The following FBXL2 variants were observed in gnomAD, a reference collection of about 807,000 sequenced individuals.
FBXL2 encodes F-box/LRR-repeat protein 2.
Under a neutral mutation model 69.2 loss-of-function variants are expected in FBXL2, and 38 were observed. The observed-to-expected ratio is 0.55, with a 90% CI of 0.42 to 0.72. The LOEUF (loss-of-function observed/expected upper bound fraction) is 0.72. FBXL2 is among the 30% of genes least tolerant of loss of function. FBXL2 has a pLI of 0.00. For missense variants in FBXL2, 354 were observed against 520.3 expected, an observed-to-expected ratio of 0.68 and a Z score of 3.11; for synonymous variants, 192 against 201.3, an observed-to-expected ratio of 0.95 and a Z score of 0.39.
At position 33,380,152 on chromosome 3, in the gene FBXL2, G is replaced by A. The variant is rs553194464; in HGVS notation, c.951+1411G>A. ...AGACAGGGGAACTGCTTGAACCTGG[G>A]AGGCGGAGGTTGCAGTGAGCCAAGG... On this transcript the variant is annotated intron_variant, in intron 13 of 14. Transcript: ENST00000484457. Among the ~76,000 whole-genome samples, 4 of 150,688 alleles carry A rather than the reference G, an allele frequency of 2.7e-5. 1 individual carries two copies. Among genetic ancestry groups the A allele is most frequent in the African/African-American group, 9.7e-5 (4 of 41,132 alleles).
At chr3:33,371,016 C>T (rs1041306373) in intron 5 of FBXL2, among the ~76,000 whole-genome samples, 1 of 152,018 alleles carries the variant, frequency 6.6e-6, no homozygotes, top group South Asian at 2.1e-4. Flanking sequence ...TCCTACAGTT[C>T]GTTCATGCTC....
At chr3:33,335,387 C>A (rs1281766126) in intron 2 of FBXL2, among the ~76,000 whole-genome samples, 2 of 152,010 alleles carry the variant, frequency 1.3e-5, no homozygotes, top group African/African-American at 2.4e-5. Context: ...TTTAAAAGTC[C>A]TTTAAAAGAT....
intron 12 of FBXL2, chr3:33,393,290 A>G (rs1252224647): frequency 6.3e-7 from 1 of 1,585,232 alleles, no homozygotes. Context: ...TCTGAAAAGG[A>G]AAAACAAATG....
intron 2 of FBXL2, among the ~76,000 whole-genome samples, chr3:33,313,030 G>T (rs1208209691): frequency 2.0e-5 from 3 of 151,752 alleles, no homozygotes; most frequent in Non-Finnish European, 4.4e-5. Flanking sequence ...TGAGGCAGGA[G>T]AACTGCTTGA....
intron 1 of FBXL2, among the ~76,000 whole-genome samples, chr3:33,284,560 G>A (rs2125678113): frequency 6.6e-6 from 1 of 152,284 alleles, no homozygotes. Context: ...TGTCTATTAG[G>A]TCCGCTTGGT....
At chr3:33,365,111 A>T (rs1325681850) in intron 5 of FBXL2, among the ~76,000 whole-genome samples, 2 of 152,136 alleles carry the variant, frequency 1.3e-5, no homozygotes, top group Non-Finnish European at 2.9e-5. Context: ...TTTATATATA[A>T]ATTTTACTAA....
chr3:33,409,717 C>T, the FBXL2 span: 1 of 1,345,440 alleles, frequency 7.4e-7, no homozygotes, highest in Admixed American at 2.2e-5. Flanking sequence ...TTAAAATAAA[C>T]TCATCACACA....
chr3:33,353,156 A>G (rs1480582331), intron 2 of FBXL2, among the ~76,000 whole-genome samples: 1 of 152,240 alleles, frequency 6.6e-6, no homozygotes, highest in Non-Finnish European at 1.5e-5. Flanking sequence ...GCAGAGCAAC[A>G]GGAACACTTA....
intron 2 of FBXL2, among the ~76,000 whole-genome samples, chr3:33,315,920 A>C (rs958969405): frequency 1.3e-5 from 2 of 152,126 alleles, no homozygotes. Flanking sequence ...GGAATTTCAT[A>C]AAGTTTCCTC....
At chr3:33,388,783 T>C (rs766718768), downstream of FBXL2, 1 of 152,228 alleles carries the variant, frequency 6.6e-6, no homozygotes, top group South Asian at 2.1e-4. Context: ...TGAAAATAGA[T>C]CGTGCTTCTT....
chr3:33,342,039 C>G (rs1402063780), intron 2 of FBXL2, among the ~76,000 whole-genome samples: 2 of 119,768 alleles, frequency 1.7e-5, no homozygotes, highest in East Asian at 5.1e-4. Flanking sequence ...GAGTCTTGCT[C>G]TGTCTCCCAG....
chr3:33,378,759 T>C lies in FBXL2; in HGVS notation c.951+18T>C. ...AAGCCCTGGTGAGTCTGAGTTTTTC[T>C]GACATTATTCACCTGTTAAAGATGA... On this transcript the variant is annotated intron_variant, in intron 13 of 14. Coordinates refer to ENST00000484457, the MANE Select transcript of FBXL2 (RefSeq NM_012157.5). 6.2e-7 allele frequency: 1 copy of C among 1,614,124 alleles called. No individual in the cohort carries two copies. The highest frequency in any genetic ancestry group is 8.5e-7 in the Non-Finnish European group (1 of 1,179,988).
chr3:33,300,765 A>G (rs367693471), intron 2 of FBXL2, among the ~76,000 whole-genome samples: 34 of 149,766 alleles, frequency 2.3e-4, no homozygotes, highest in South Asian at 1.1e-3. Flanking sequence ...CTGGAGTGCA[A>G]TGGCGCAATC....
chr3:33,281,575 G>C (rs1391417350), intron 1 of FBXL2, among the ~76,000 whole-genome samples: 1 of 152,120 alleles, frequency 6.6e-6, no homozygotes, highest in Non-Finnish European at 1.5e-5. Context: ...TGGAATTGCT[G>C]GGTCAAATGG....
At chr3:33,408,316 T>A (rs957471597), downstream of FBXL2, among the ~76,000 whole-genome samples, 1 of 152,050 alleles carries the variant, frequency 6.6e-6, no homozygotes, top group African/African-American at 2.4e-5. Flanking sequence ...ACAAAAATAA[T>A]AGCTAATTTA....
At chr3:33,354,262 C>T (rs539624938) in intron 2 of FBXL2, among the ~76,000 whole-genome samples, 7 of 152,002 alleles carry the variant, frequency 4.6e-5, no homozygotes, top group South Asian at 2.1e-4. Flanking sequence ...GCCTGTAATC[C>T]GAGCACTTTG....
chr3:33,393,505 T>G (rs2043850168), intron 12 of FBXL2: 1 of 1,559,368 alleles, frequency 6.4e-7, no homozygotes, highest in Non-Finnish European at 8.7e-7. Flanking sequence ...ATCTTTGATC[T>G]GTTTTCTGCC....
At chr3:33,378,174 G>A (rs1035432694) in intron 12 of FBXL2, 27 bp downstream of exon 12, 3 of 1,611,570 alleles carry the variant, frequency 1.9e-6, no homozygotes, top group African/African-American at 1.3e-5. Context: ...CAGCCCTGCA[G>A]GGCAGCCTGC....
At chr3:33,399,610 G>T (rs1204648729) in intron 12 of FBXL2, among the ~76,000 whole-genome samples, 2 of 152,164 alleles carry the variant, frequency 1.3e-5, no homozygotes, top group East Asian at 3.9e-4. Flanking sequence ...CAAAATTATA[G>T]ACAGAATGTA....
Sources: gnomAD v4.1 joint callset for allele counts (sites outside exome capture counted in the v4.1 genomes callset) on GRCh38, gnomAD v4.1.1 for gene constraint, MANE v1.5 for transcripts, NCBI Gene and HGNC (gene_info 2026-07-23, HGNC 2026-07-21) for gene names.